The following RGS7 variants were observed in gnomAD, a reference collection of about 807,000 sequenced individuals.
RGS7 encodes regulator of G-protein signaling 7.
In RGS7, 27 loss-of-function variants were observed where a neutral mutation model predicts 81.1. That is an observed-to-expected ratio of 0.33 (90% CI 0.25 to 0.46). The LOEUF (loss-of-function observed/expected upper bound fraction) is 0.46. Ranked by LOEUF, RGS7 falls within the 20% of genes least tolerant of loss-of-function variation. The probability of loss-of-function intolerance (pLI) is 1.00; values close to 1 mark genes in which losing one functional copy is unlikely to be tolerated. For synonymous variants in RGS7, 208 were observed against 207.7 expected, an observed-to-expected ratio of 1.00 and a Z score of -0.01; for missense variants, 396 against 607.4, an observed-to-expected ratio of 0.65 and a Z score of 3.66.
At chr1:241,327,028 A>AGGGAGGGAGAGAGGG (rs1257519305) in intron 2 of RGS7, among the ~76,000 whole-genome samples, 1 of 2,652 alleles carries the variant, frequency 3.8e-4, no homozygotes, top group South Asian at 0.014. Flanking sequence ...GGAAGGAAGG[A>AGGGAGGGAGAGAGGG]AGGAAGGAAG....
At chr1:241,248,423 T>TAA (rs2076665835) in intron 2 of RGS7, among the ~76,000 whole-genome samples, 1 of 148,422 alleles carries the variant, frequency 6.7e-6, no homozygotes, top group Non-Finnish European at 1.5e-5. Context: ...CATATATATA[T>TAA]AATCAAATAA....
intron 3 of RGS7, among the ~76,000 whole-genome samples, chr1:241,016,247 C>T (rs144260428): frequency 0.013 from 1,904 of 152,194 alleles, 31 homozygotes; most frequent in African/African-American, 0.042. Flanking sequence ...TGTCTGGGTG[C>T]GGTGGCTCAC....
chr1:240,930,222 C>CTTTTTTTTTT lies in RGS7; in HGVS notation c.385+485_385+494dup, dbSNP rs10676730. On this transcript the variant is annotated intron_variant, in intron 6 of 18. Coordinates refer to ENST00000440928, the MANE Select transcript of RGS7 (RefSeq NM_001364886.1). ...ATTAGCATTGAATTTTCTTTTTTAGCTTTTTTTTTTTTTTTTTTGCTTGTA... is the reference window on the plus strand; with the variant it reads ...ATTAGCATTGAATTTTCTTTTTTAGCTTTTTTTTTTTTTTTTTTTTTTTTTTTTGCTTGTA... Among the ~76,000 whole-genome samples, 15 of 113,866 alleles carry CTTTTTTTTTT rather than the reference C, an allele frequency of 1.3e-4. 1 individual carries two copies. Among genetic ancestry groups the CTTTTTTTTTT allele is most frequent in the African/African-American group, 1.7e-4 (5 of 29,070 alleles). 74.7% of individuals were successfully genotyped at this position (113,866 alleles called of 152,430 possible). A position where few individuals can be genotyped will look rare whatever the true frequency, so the allele number is the denominator to read the frequency against.
At chr1:241,305,827 C>T in intron 2 of RGS7, 1 of 306,704 alleles carries the variant, frequency 3.3e-6, no homozygotes, top group Non-Finnish European at 6.5e-6. Flanking sequence ...TTGGTTTCCT[C>T]ACGTTCTTGG....
At chr1:240,906,684 G>A (rs551484344) in intron 6 of RGS7, among the ~76,000 whole-genome samples, 4 of 152,316 alleles carry the variant, frequency 2.6e-5, no homozygotes, top group African/African-American at 7.2e-5. Flanking sequence ...GCTGGCAGCT[G>A]GCCAAAGCTT....
At chr1:241,135,808 A>T (rs1490256616) in intron 2 of RGS7, among the ~76,000 whole-genome samples, 1 of 151,602 alleles carries the variant, frequency 6.6e-6, no homozygotes, top group Non-Finnish European at 1.5e-5. Flanking sequence ...TTTGAGACAG[A>T]GTTGCCCAGG....
intron 4 of RGS7, among the ~76,000 whole-genome samples, chr1:240,962,618 C>G (rs1681652244): frequency 6.6e-6 from 1 of 152,062 alleles, no homozygotes; most frequent in Non-Finnish European, 1.5e-5. Flanking sequence ...ATAATTTCAA[C>G]AGGGAAAAAA....
intron 6 of RGS7, among the ~76,000 whole-genome samples, chr1:240,903,349 TTTTAA>T (rs968702176): frequency 3.0e-4 from 45 of 152,166 alleles, no homozygotes; most frequent in African/African-American, 1.0e-3. Flanking sequence ...GGAACAGAAT[TTTTAA>T]TTTAATTTAA....
At chr1:240,940,829 A>C (rs1317738772) in intron 4 of RGS7, among the ~76,000 whole-genome samples, 1 of 152,204 alleles carries the variant, frequency 6.6e-6, no homozygotes, top group African/African-American at 2.4e-5. Flanking sequence ...TCATAAGACT[A>C]TTCTTGACTC....
intron 6 of RGS7, among the ~76,000 whole-genome samples, chr1:240,870,998 G>A (rs1417722347): frequency 6.6e-6 from 1 of 152,176 alleles, no homozygotes; most frequent in Non-Finnish European, 1.5e-5. Flanking sequence ...ACCATGGAAA[G>A]TCCATCTGGG....
At chr1:241,180,828 C>T (rs1052672649) in intron 2 of RGS7, among the ~76,000 whole-genome samples, 3 of 152,188 alleles carry the variant, frequency 2.0e-5, no homozygotes, top group African/African-American at 7.2e-5. Context: ...ACCTGTCATT[C>T]ACTATTTGTG....
At chr1:240,886,885 T>C (rs1667416600) in intron 6 of RGS7, among the ~76,000 whole-genome samples, 1 of 152,172 alleles carries the variant, frequency 6.6e-6, no homozygotes, top group Non-Finnish European at 1.5e-5. Flanking sequence ...GAACATGCCA[T>C]GTGGTATAAT....
chr1:240,985,498 T>C (rs893287482), intron 3 of RGS7, among the ~76,000 whole-genome samples: 15 of 152,318 alleles, frequency 9.8e-5, no homozygotes, highest in African/African-American at 3.1e-4. Context: ...GTATGTTTAA[T>C]TCAGAGAATA....
chr1:241,093,562 T>C (rs574011036), intron 3 of RGS7, among the ~76,000 whole-genome samples: 2 of 152,282 alleles, frequency 1.3e-5, no homozygotes, highest in African/African-American at 4.8e-5. Flanking sequence ...ACCAATCCCA[T>C]ATTTTTAAAA....
intron 6 of RGS7, among the ~76,000 whole-genome samples, chr1:240,896,119 C>A (rs1244388261): frequency 6.6e-6 from 1 of 152,152 alleles, no homozygotes; most frequent in East Asian, 1.9e-4. Flanking sequence ...CCTTTGCCCA[C>A]TTTTTGATGG....
At chr1:241,019,070 G>A (rs899321756) in intron 3 of RGS7, among the ~76,000 whole-genome samples, 5 of 152,112 alleles carry the variant, frequency 3.3e-5, no homozygotes, top group Non-Finnish European at 7.4e-5. Context: ...TGTTTTTAAA[G>A]GGAAAGCCTA....
intron 2 of RGS7, among the ~76,000 whole-genome samples, chr1:241,119,605 G>C (rs943115153): frequency 6.6e-6 from 1 of 152,148 alleles, no homozygotes; most frequent in African/African-American, 2.4e-5. Flanking sequence ...CTGATGCACT[G>C]AGTTATGCAG....
At chr1:241,200,162 C>G (rs929677137) in intron 2 of RGS7, among the ~76,000 whole-genome samples, 1 of 152,024 alleles carries the variant, frequency 6.6e-6, no homozygotes, top group South Asian at 2.1e-4. Flanking sequence ...CCAAATTTAA[C>G]ACAAACAACT....
At chr1:241,049,923 T>G (rs1300381830) in intron 3 of RGS7, among the ~76,000 whole-genome samples, 1 of 152,166 alleles carries the variant, frequency 6.6e-6, no homozygotes, top group Admixed American at 6.5e-5. Flanking sequence ...AAGAGATGCT[T>G]GACAAGACAA....
Sources: gnomAD v4.1 joint callset for allele counts (sites outside exome capture counted in the v4.1 genomes callset) on GRCh38, gnomAD v4.1.1 for gene constraint, MANE v1.5 for transcripts, NCBI Gene and HGNC (gene_info 2026-07-23, HGNC 2026-07-21) for gene names.